The following PROS1 variants were observed in gnomAD, a reference collection of about 807,000 sequenced individuals.
PROS1 encodes vitamin K-dependent protein S.
In PROS1, 29 loss-of-function variants were observed where a neutral mutation model predicts 75.9. The ratio of observed to expected loss-of-function variants is 0.38; its 90% CI spans 0.28 to 0.52. The LOEUF is 0.52. PROS1 is among the 20% of genes least tolerant of loss of function. The pLI, the probability that PROS1 is intolerant of heterozygous loss-of-function variation, is 0.83. For synonymous variants in PROS1, 245 were observed against 280.6 expected, an observed-to-expected ratio of 0.87 and a Z score of 1.27; for missense variants, 680 against 810.3, an observed-to-expected ratio of 0.84 and a Z score of 1.95.
chr3:93,900,304 A>G (rs1708571915), intron 7 of PROS1, among the ~76,000 whole-genome samples: 2 of 152,222 alleles, frequency 1.3e-5, no homozygotes, highest in Admixed American at 6.5e-5. Flanking sequence ...TCATTTCTTT[A>G]TCATGAGATA....
At chr3:93,946,112 C>T (rs962921377) in intron 1 of PROS1, among the ~76,000 whole-genome samples, 1 of 151,896 alleles carries the variant, frequency 6.6e-6, no homozygotes, top group Non-Finnish European at 1.5e-5. Flanking sequence ...TGTGAAGGAC[C>T]TCTTCAAGGA....
chr3:93,923,219 A>T (rs1483655451), intron 3 of PROS1, among the ~76,000 whole-genome samples: 1 of 152,206 alleles, frequency 6.6e-6, no homozygotes, highest in South Asian at 2.1e-4. Flanking sequence ...AGAGAGATAC[A>T]AGGATAAAAT....
rs187141978 is a variant in PROS1, at chr3:93,938,633, A to T, written c.77-11226T>A. Among the ~76,000 whole-genome samples the T allele has an allele frequency of 2.2e-4, 33 of 152,052 alleles. No homozygotes were observed. The East Asian group carries it at 6.0e-3, about 28-fold the overall frequency. ...TCTCCAGCCTCTCTTGCTACCCTTCAATCTCCCTCTCTCGCTATCCTTCAA... is the reference window on the plus strand; with the variant it reads ...TCTCCAGCCTCTCTTGCTACCCTTCTATCTCCCTCTCTCGCTATCCTTCAA... On this transcript the variant is annotated intron_variant, in intron 1 of 14. Coordinates refer to ENST00000394236, the MANE Select transcript of PROS1 (RefSeq NM_000313.4).
chr3:93,895,201 G>GT (rs1708486227), intron 9 of PROS1, among the ~76,000 whole-genome samples: 1 of 152,060 alleles, frequency 6.6e-6, no homozygotes, highest in African/African-American at 2.4e-5. Flanking sequence ...TTGTCATTGT[G>GT]TTTTTTTCTG....
chr3:93,940,286 C>T (rs776492871), intron 1 of PROS1, among the ~76,000 whole-genome samples: 1 of 152,202 alleles, frequency 6.6e-6, no homozygotes, highest in Admixed American at 6.5e-5. Flanking sequence ...ACTGACACTG[C>T]CCGATTGCCT....
chr3:93,950,991 A>C (rs749640508), intron 1 of PROS1, among the ~76,000 whole-genome samples: 46 of 152,358 alleles, frequency 3.0e-4, no homozygotes, highest in Non-Finnish European at 6.2e-4. Flanking sequence ...AGAAGAGCTT[A>C]AATGACCTAA....
At chr3:93,939,375 C>A (rs1258241996) in intron 1 of PROS1, among the ~76,000 whole-genome samples, 1 of 152,120 alleles carries the variant, frequency 6.6e-6, no homozygotes, top group Non-Finnish European at 1.5e-5. Context: ...GTCACTGAGT[C>A]TTTTCAATCT....
At position 93,961,454 on chromosome 3, in the gene PROS1, A is replaced by G. The variant is rs867803806; in HGVS notation, c.76+12220T>C. Among the ~76,000 whole-genome samples the G allele has an allele frequency of 1.4e-4, 22 of 152,220 alleles. 1 individual carries two copies. Among genetic ancestry groups the G allele is most frequent in the Admixed American group, 9.2e-4 (14 of 15,288 alleles). ...GAGGTCTCAGGAGCTGAGGGCCTCA[A>G]TCCTACACTTGTGAGGAACTGAATT... On this transcript the variant is annotated intron_variant, in intron 1 of 14. Transcript: ENST00000394236.
chr3:93,917,623 G>A (rs552724325), intron 3 of PROS1, among the ~76,000 whole-genome samples: 10 of 152,276 alleles, frequency 6.6e-5, no homozygotes, highest in South Asian at 4.1e-4. Flanking sequence ...AGGGAAAGGC[G>A]CGAGGGGGAA....
At chr3:93,951,564 C>G (rs1162694568) in intron 1 of PROS1, among the ~76,000 whole-genome samples, 1 of 152,106 alleles carries the variant, frequency 6.6e-6, no homozygotes, top group Non-Finnish European at 1.5e-5. Context: ...TTGTCACCAC[C>G]AATCCTGCCT....
At chr3:93,973,172 AC>A (rs1267953828) in intron 1 of PROS1, among the ~76,000 whole-genome samples, 1 of 152,116 alleles carries the variant, frequency 6.6e-6, no homozygotes, top group African/African-American at 2.4e-5. Context: ...TGCTATACAA[AC>A]CCTCAGTCAT....
In PROS1 at chr3:93,906,064, A is replaced by G. The variant is rs1280635282; in HGVS notation, c.426T>C (p.Thr142=). ...CTTGCCAACCTGGTTTACAAGTGCAAGTAAAAGAAGCTTTTCCATCTTTGC... is the reference window on the plus strand; with the variant it reads ...CTTGCCAACCTGGTTTACAAGTGCAGGTAAAAGAAGCTTTTCCATCTTTGC... The part of the protein sequence containing the change: ...MSCKDGKASF[T]CTCKPGWQGE... The change falls in exon 5 of 15, where the codon ACT becomes ACC. Residue 142 remains threonine, a synonymous_variant. Transcript: ENST00000394236. 17 of 1,614,074 alleles carry G rather than the reference A, an allele frequency of 1.1e-5. No individual in the cohort carries two copies. Among genetic ancestry groups the G allele is most frequent in the African/African-American group, 2.7e-5 (2 of 74,936 alleles).
At chr3:93,950,534 T>C (rs2107241965) in intron 1 of PROS1, among the ~76,000 whole-genome samples, 1 of 152,316 alleles carries the variant, frequency 6.6e-6, no homozygotes, top group South Asian at 2.1e-4. Context: ...CAATATTTGC[T>C]GTTCTGCAGC....
At chr3:93,923,327 G>A (rs1469821038) in intron 3 of PROS1, among the ~76,000 whole-genome samples, 3 of 152,082 alleles carry the variant, frequency 2.0e-5, no homozygotes, top group Admixed American at 6.5e-5. Context: ...TCAAAGGAAT[G>A]TATCCTCTAC....
At chr3:93,929,588 C>A (rs1408370128) in intron 1 of PROS1, among the ~76,000 whole-genome samples, 4 of 152,146 alleles carry the variant, frequency 2.6e-5, no homozygotes, top group Admixed American at 2.6e-4. Context: ...CTCAAAGATA[C>A]AGTAAGTTAA....
chr3:93,908,046 T>C (rs1708702858), intron 4 of PROS1, among the ~76,000 whole-genome samples: 1 of 151,746 alleles, frequency 6.6e-6, no homozygotes, highest in African/African-American at 2.4e-5. Flanking sequence ...TACTCAGGAG[T>C]CTAAAGTGCA....
intron 6 of PROS1, among the ~76,000 whole-genome samples, chr3:93,902,589 C>G (rs886246607): frequency 6.6e-6 from 1 of 151,726 alleles, no homozygotes; most frequent in East Asian, 2.0e-4. Flanking sequence ...CCCGTCTTTA[C>G]CAAAAAATAC....
intron 1 of PROS1, among the ~76,000 whole-genome samples, chr3:93,958,101 T>TAATAA (rs921235560): frequency 1.1e-4 from 17 of 151,756 alleles, no homozygotes; most frequent in African/African-American, 1.7e-4. Context: ...AAAATAATAA[T>TAATAA]AATAAAATAA....
intron 1 of PROS1, among the ~76,000 whole-genome samples, chr3:93,956,163 G>A (rs568666453): frequency 3.3e-5 from 5 of 151,836 alleles, no homozygotes; most frequent in South Asian, 2.1e-4. Context: ...AATATACAGC[G>A]GTAGGATAGT....
Sources: allele counts gnomAD v4.1 joint callset (sites outside exome capture counted in the v4.1 genomes callset), GRCh38; gene constraint gnomAD v4.1.1; transcripts MANE v1.5; gene names NCBI Gene and HGNC (gene_info 2026-07-23, HGNC 2026-07-21).